DLC1: variants seen among roughly 807,000 people sequenced by gnomAD.
The protein encoded by DLC1 is DLC1 Rho GTPase activating protein, also known as rho GTPase-activating protein 7.
In DLC1, 54 loss-of-function variants were observed where a neutral mutation model predicts 140.3. The ratio of observed to expected loss-of-function variants is 0.38; its 90% CI spans 0.31 to 0.48. The LOEUF (loss-of-function observed/expected upper bound fraction) is 0.48, where lower values mean the gene tolerates loss of function less well. Among genes scored for constraint, DLC1 ranks in the 20% least tolerant of loss-of-function variants. The pLI is 0.96. For synonymous variants in DLC1, 986 were observed against 728.1 expected (o/e 1.35, Z -5.70); for missense variants, 2,536 against 1,907.0 (o/e 1.33, Z -6.14).
At chr8:13,173,425 G>T (rs1044395638) in intron 5 of DLC1, among the ~76,000 whole-genome samples, 3 of 134,778 alleles carry the variant, frequency 2.2e-5, no homozygotes, top group African/African-American at 8.4e-5. Context: ...AGGCTGGAGC[G>T]CAGTGGCGCG....
chr8:13,323,136 G>C lies in DLC1; in HGVS notation c.1315-17834C>G, dbSNP rs76683753. Among the ~76,000 whole-genome samples the C allele has an allele frequency of 4.6e-3, 696 of 152,266 alleles. 2 individuals carry two copies. Among genetic ancestry groups the C allele is most frequent in the African/African-American group, 0.016 (672 of 41,540 alleles). ...ATCCACTCAACTAAGCTCTGTTCCT[G>C]AATTTCTGGCACACGGCAACTGTGT... On this transcript the variant is annotated intron_variant, in intron 4 of 17. Transcript: ENST00000276297.
intron 1 of DLC1, among the ~76,000 whole-genome samples, chr8:13,585,412 A>T (rs1203922618): frequency 4.6e-5 from 7 of 152,132 alleles, no homozygotes; most frequent in Non-Finnish European, 8.8e-5. Context: ...AAAAAATTTA[A>T]AAAAAAAGAA....
intron 5 of DLC1, among the ~76,000 whole-genome samples, chr8:13,219,491 AT>A (rs1362991809): frequency 6.7e-6 from 1 of 148,986 alleles, no homozygotes; most frequent in Non-Finnish European, 1.5e-5. Flanking sequence ...ATAATTATAT[AT>A]TTAACTTACT....
chr8:13,579,255 T>C (rs1367179444), intron 1 of DLC1, among the ~76,000 whole-genome samples: 1 of 107,664 alleles, frequency 9.3e-6, no homozygotes, highest in African/African-American at 3.6e-5. Context: ...CATATATATA[T>C]ATATATATAT....
chr8:13,413,888 G>A (rs1837925344), intron 2 of DLC1, among the ~76,000 whole-genome samples: 1 of 152,112 alleles, frequency 6.6e-6, no homozygotes, highest in Non-Finnish European at 1.5e-5. Context: ...AGCAATGTGA[G>A]AACAGACTAA....
intron 5 of DLC1, among the ~76,000 whole-genome samples, chr8:13,291,826 C>G (rs1029128666): frequency 6.6e-6 from 1 of 152,074 alleles, no homozygotes; most frequent in Admixed American, 6.6e-5. Context: ...GCAAGGTAAG[C>G]TGAAGTCATG....
chr8:13,556,717 T>C (rs1804058902), intron 1 of DLC1, among the ~76,000 whole-genome samples: 1 of 152,174 alleles, frequency 6.6e-6, no homozygotes, highest in African/African-American at 2.4e-5. Flanking sequence ...GGTCAATTGC[T>C]TTAAGGACCT....
intron 4 of DLC1, among the ~76,000 whole-genome samples, chr8:13,368,239 C>G (rs1348782821): frequency 6.6e-6 from 1 of 152,170 alleles, no homozygotes; most frequent in Non-Finnish European, 1.5e-5. Context: ...ATAAAGGGCC[C>G]TCAGACACCA....
intron 2 of DLC1, among the ~76,000 whole-genome samples, chr8:13,425,203 A>T (rs1443745644): frequency 6.6e-6 from 1 of 152,128 alleles, no homozygotes; most frequent in East Asian, 1.9e-4. Context: ...TTTCCCACAA[A>T]CTCTTCGGCT....
chr8:13,305,335 T>C (rs1200222745), intron 4 of DLC1, 33 bp from the exon 5 acceptor site: 1 of 1,562,224 alleles, frequency 6.4e-7, no homozygotes, highest in Non-Finnish European at 8.6e-7. Flanking sequence ...TGTGGTATTA[T>C]TAGGAAGAAA....
chr8:13,583,622 G>C (rs758896582), intron 1 of DLC1, among the ~76,000 whole-genome samples: 1 of 152,126 alleles, frequency 6.6e-6, no homozygotes, highest in Non-Finnish European at 1.5e-5. Context: ...TATAAAACAA[G>C]GTATGCTTTT....
intron 4 of DLC1, chr8:13,340,569 AAAAAAC>A (rs1833995522): frequency 6.6e-6 from 1 of 152,208 alleles, no homozygotes; most frequent in Non-Finnish European, 1.5e-5. Flanking sequence ...TTGCTACTTA[AAAAAAC>A]AAAAACAAAC....
intron 5 of DLC1, among the ~76,000 whole-genome samples, chr8:13,270,547 A>C (rs896115449): frequency 3.9e-5 from 6 of 152,152 alleles, no homozygotes; most frequent in Admixed American, 2.6e-4. Context: ...GATATCGTAT[A>C]TCTAGCTTGA....
At chr8:13,150,940 A>G (rs1335091462) in intron 5 of DLC1, among the ~76,000 whole-genome samples, 1 of 152,252 alleles carries the variant, frequency 6.6e-6, no homozygotes, top group Non-Finnish European at 1.5e-5. Context: ...ACAACTTGCT[A>G]CATTCTATTA....
chr8:13,398,058 G>A (rs773317040), intron 3 of DLC1, among the ~76,000 whole-genome samples: 1 of 151,908 alleles, frequency 6.6e-6, no homozygotes, highest in Non-Finnish European at 1.5e-5. Context: ...TTGAACCAGG[G>A]AGGCAGAGGT....
At chr8:13,576,846 C>G (rs935537201) in intron 1 of DLC1, among the ~76,000 whole-genome samples, 12 of 152,166 alleles carry the variant, frequency 7.9e-5, no homozygotes, top group African/African-American at 2.9e-4. Context: ...CTACGAGTAG[C>G]TTGGTAAAGA....
rs752098686 is a variant in DLC1 at position 13,100,787 on chromosome 8, G to A, written c.1567-17C>T. The A allele has an allele frequency of 1.3e-6, 2 of 1,543,478 alleles. No individual in the cohort carries two copies. The highest frequency in any genetic ancestry group is 2.3e-5 in the East Asian group (1 of 44,382). On this transcript the variant is annotated splice_polypyrimidine_tract_variant and intron_variant, in intron 8 of 17. Coordinates refer to ENST00000276297, the MANE Select transcript of DLC1 (RefSeq NM_182643.3). ...ATCGTCACTCTGCAAAGACAGAAAG[G>A]AGCCATTCACACACTGGGGCTGGCA... is the stretch of plus-strand genomic sequence containing the variant.
At chr8:13,266,652 C>T (rs560567703) in intron 5 of DLC1, among the ~76,000 whole-genome samples, 1 of 151,930 alleles carries the variant, frequency 6.6e-6, no homozygotes, top group Non-Finnish European at 1.5e-5. Context: ...GGCTGAGGCA[C>T]AAGAATCACT....
At chr8:13,399,958 C>G (rs78250473) in intron 3 of DLC1, among the ~76,000 whole-genome samples, 3,481 of 152,154 alleles carry the variant, frequency 0.023, 74 homozygotes, top group South Asian at 0.086. Flanking sequence ...TCCTCTGTAT[C>G]TGGGTCAGTG....
Sources: gnomAD v4.1 joint callset for allele counts (sites outside exome capture counted in the v4.1 genomes callset) on GRCh38, gnomAD v4.1.1 for gene constraint, MANE v1.5 for transcripts, NCBI Gene and HGNC (gene_info 2026-07-23, HGNC 2026-07-21) for gene names.